COPG1: variants seen among roughly 807,000 people sequenced by gnomAD.
COPG1 encodes the protein coat protein complex I subunit gamma 1.
Under a neutral mutation model 102.8 loss-of-function variants are expected in COPG1, and 29 were observed. That is an observed-to-expected ratio of 0.28 (90% CI 0.21 to 0.38). The LOEUF is 0.38. COPG1 is among the 10% of genes least tolerant of loss of function. COPG1 has a pLI of 1.00. For synonymous variants in COPG1, 406 were observed against 421.6 expected (o/e 0.96, Z 0.45); for missense variants, 875 against 1,132.7 (o/e 0.77, Z 3.27).
chr3:129,275,153 C>T lies in COPG1; in HGVS notation c.2396-41C>T. The T allele has an allele frequency of 6.3e-7, 1 of 1,575,730 alleles. No individual in the cohort carries two copies. The highest frequency in any genetic ancestry group is 1.7e-4 in the Middle Eastern group (1 of 5,974). Reference sequence around the variant, plus strand: ...GGGGGAGTGGTGGTGGCACAAAGGGCAGATAAGATGGCTTAACAATATTGG... The same window carrying T: ...GGGGGAGTGGTGGTGGCACAAAGGGTAGATAAGATGGCTTAACAATATTGG... On this transcript the variant is annotated intron_variant, in intron 22 of 23. Coordinates refer to ENST00000314797, the MANE Select transcript of COPG1 (RefSeq NM_016128.4). This position sits in a 1 kb window ranked among gnomAD's most constrained non-coding sequence, Gnocchi z 5.0.
chr3:129,260,090 G>A, intron 10 of COPG1: 1 of 559,684 alleles, frequency 1.8e-6, no homozygotes, highest in Non-Finnish European at 3.2e-6. Flanking sequence ...ACAGCACCTG[G>A]CACACAGCAG....
intron 18 of COPG1, among the ~76,000 whole-genome samples, chr3:129,270,492 C>A (rs532096414): frequency 9.9e-5 from 15 of 152,224 alleles, no homozygotes; most frequent in African/African-American, 3.4e-4. Context: ...AAGTATCAGG[C>A]CCAAAACTCT....
chr3:129,261,883 C>T (rs1465961700), intron 12 of COPG1, among the ~76,000 whole-genome samples: 4 of 152,242 alleles, frequency 2.6e-5, no homozygotes, highest in Non-Finnish European at 5.9e-5. Flanking sequence ...TATTCCCTAA[C>T]CCCTGGCAGC....
chr3:129,275,187 A>T lies in COPG1; in HGVS notation c.2396-7A>T. 2.5e-6 allele frequency: 4 copies of T among 1,612,426 alleles called. No homozygotes were observed. In the South Asian group the frequency reaches 4.4e-5, roughly 18 times the overall value. ...TGGCTTAACAATATTGGGATTTCTC[A>T]TTACAGAGGCTGTGGGTAATATTGT... On this transcript the variant is annotated splice_region_variant and splice_polypyrimidine_tract_variant and intron_variant, in intron 22 of 23. Coordinates refer to ENST00000314797, the MANE Select transcript of COPG1 (RefSeq NM_016128.4). The surrounding 1 kb of genome is among the most constrained non-coding windows in gnomAD (Gnocchi z 5.0).
chr3:129,249,647 C>G lies in COPG1; in HGVS notation c.-63C>G, dbSNP rs1160276347. 2.6e-6 allele frequency: 4 copies of G among 1,541,898 alleles called. No individual in the cohort carries two copies. Among genetic ancestry groups the G allele is most frequent in the Admixed American group, 2.0e-5 (1 of 50,846 alleles). On this transcript the variant is annotated 5_prime_UTR_variant, in exon 1 of 24. Transcript: ENST00000314797. Reference sequence around the variant, plus strand: ...TGGTCCCTGTAGAACCACTGTGGCACCGCTACTCCGTGCCGCGCCCGTCGA... The same window carrying G: ...TGGTCCCTGTAGAACCACTGTGGCAGCGCTACTCCGTGCCGCGCCCGTCGA...
In COPG1 at chr3:129,263,963, C is replaced by A; in HGVS notation, c.1188C>A (p.Val396=). 1 of 1,614,176 alleles carries A rather than the reference C, an allele frequency of 6.2e-7. No homozygotes were observed. The highest frequency in any genetic ancestry group is 8.5e-7 in the Non-Finnish European group (1 of 1,180,040). ...LCQKYPRKHA[V]LMNFLFTMLR... Reference sequence around the variant, plus strand: ...AGAAATATCCTCGCAAACACGCCGTCCTTATGAACTTCCTGTTCACCATGC... The same window carrying A: ...AGAAATATCCTCGCAAACACGCCGTACTTATGAACTTCCTGTTCACCATGC... Residue 396 remains valine (V), a synonymous_variant, in exon 13 of 24, where the codon GTC becomes GTA. Coordinates refer to ENST00000314797, the MANE Select transcript of COPG1 (RefSeq NM_016128.4).
At chr3:129,265,214 C>T (rs1269936772) in intron 13 of COPG1, among the ~76,000 whole-genome samples, 3 of 152,110 alleles carry the variant, frequency 2.0e-5, no homozygotes, top group African/African-American at 7.2e-5. Flanking sequence ...ACCTCAGACC[C>T]CCAAGCAGCT....
Position 129,272,809 on chromosome 3 carries a change from G to A in COPG1, c.2161G>A (p.Ala721Thr). 5 of 1,609,836 alleles carry A rather than the reference G, an allele frequency of 3.1e-6. No homozygotes were observed. The highest frequency in any genetic ancestry group is 3.4e-6 in the Non-Finnish European group (4 of 1,176,544). ...TACCCAGCCTCTCTTCCCCACAGTG[G>A]CCTGCACATTCAGCTGCATGATGAA... is the stretch of plus-strand genomic sequence containing the variant. ...ALPKEDPTAV[A>T]CTFSCMMKFT... The change falls in exon 21 of 24, where the codon GCC (alanine) becomes ACC (threonine). Residue 721 changes from alanine to threonine, a missense_variant and splice_region_variant. By Grantham distance (58) the Ala-to-Thr change is moderately conservative (BLOSUM62 0). Transcript: ENST00000314797.
At chr3:129,269,826 T>C (rs1940151578) in intron 18 of COPG1, among the ~76,000 whole-genome samples, 1 of 151,918 alleles carries the variant, frequency 6.6e-6, no homozygotes, top group African/African-American at 2.4e-5. Context: ...CTTAGTGGCT[T>C]AACACATTTA....
chr3:129,252,303 C>A lies in COPG1; in HGVS notation c.113C>A (p.Pro38His), dbSNP rs775353146. The change falls in exon 3 of 24, where the codon CCC becomes CAC. Residue 38 changes from proline (P) to histidine (H), a missense_variant. By Grantham distance (77) the Pro-to-His change is moderately conservative. Transcript: ENST00000314797. ...TAGGCCCGTGTATTTAATGAAACTC[C>A]CATCAACCCTCGGAAATGTGCCCAC... ...LQEARVFNET[P>H]INPRKCAHIL... is the part of the protein sequence containing the mutation. 1.7e-5 allele frequency: 28 copies of A among 1,612,034 alleles called. 1 individual carries two copies. The highest frequency in any genetic ancestry group is 5.9e-6 in the Non-Finnish European group (7 of 1,178,312).
At chr3:129,272,780 T>C in intron 20 of COPG1, 27 bp from the exon 21 acceptor site, 1 of 1,527,382 alleles carries the variant, frequency 6.5e-7, no homozygotes, top group Non-Finnish European at 9.1e-7. Flanking sequence ...GGGGACATCC[T>C]AACTACCCAG....
chr3:129,258,583 G>A (rs371600170), intron 10 of COPG1, among the ~76,000 whole-genome samples: 53 of 152,210 alleles, frequency 3.5e-4, no homozygotes, highest in African/African-American at 1.2e-3. Context: ...TGAGCCTCCC[G>A]AGTAGCTGGG....
In COPG1 at chr3:129,255,023, A is replaced by G; in HGVS notation, c.438A>G (p.Gln146=). 6.2e-7 allele frequency: 1 copy of G among 1,614,130 alleles called. No individual in the cohort carries two copies. The highest frequency in any genetic ancestry group is 8.5e-7 in the Non-Finnish European group (1 of 1,180,018). Residue 146 remains glutamine, a synonymous_variant, in exon 7 of 24, where the codon CAA becomes CAG. Coordinates refer to ENST00000314797, the MANE Select transcript of COPG1 (RefSeq NM_016128.4). ...MLQAIERYMK[Q]AIVDKVPSVS... ...AGGCTATTGAGCGCTACATGAAACAAGCCATTGTGGACAAGGTGCCCAGTG... is the reference window on the plus strand; with the variant it reads ...AGGCTATTGAGCGCTACATGAAACAGGCCATTGTGGACAAGGTGCCCAGTG...
chr3:129,250,138 T>C (rs1939663893), intron 1 of COPG1, among the ~76,000 whole-genome samples: 1 of 152,216 alleles, frequency 6.6e-6, no homozygotes, highest in African/African-American at 2.4e-5. Flanking sequence ...GACTGGGAAC[T>C]CTGACCCCAT....
chr3:129,260,238 C>T (rs1183713376), intron 10 of COPG1, 95 bp from the exon 11 acceptor site: 6 of 1,134,496 alleles, frequency 5.3e-6, no homozygotes, highest in Non-Finnish European at 6.5e-6. Flanking sequence ...GGGAAATGAG[C>T]TGAGCAGAGG....
chr3:129,251,193 G>A (rs1246075368), intron 2 of COPG1, among the ~76,000 whole-genome samples: 2 of 151,148 alleles, frequency 1.3e-5, no homozygotes, highest in Admixed American at 6.6e-5. Flanking sequence ...AAAGTGCTGG[G>A]ATTACAGGCT....
intron 2 of COPG1, chr3:129,251,033 C>T: frequency 3.4e-6 from 1 of 295,586 alleles, no homozygotes; most frequent in South Asian, 3.2e-5. Context: ...ACGCCATTCT[C>T]CTGCCTCAGC....
At chr3:129,258,496 C>T (rs769192157) in intron 10 of COPG1, among the ~76,000 whole-genome samples, 3 of 152,198 alleles carry the variant, frequency 2.0e-5, no homozygotes, top group South Asian at 4.1e-4. Flanking sequence ...CTCACTATGT[C>T]GCCCAGGCTG....
In COPG1 at chr3:129,250,677, C is replaced by G; in HGVS notation, c.38-5C>G. On this transcript the variant is annotated splice_polypyrimidine_tract_variant and splice_region_variant and intron_variant, in intron 1 of 23. Coordinates refer to ENST00000314797, the MANE Select transcript of COPG1 (RefSeq NM_016128.4). The stretch of plus-strand genomic sequence containing the variant: ...ACCTACCTTCTCCATTGTCCTTGAC[C>G]GTAGGTGGAGGCTCCAACCCATTCC... 6.2e-7 allele frequency: 1 copy of G among 1,613,542 alleles called. No homozygotes were observed. Among genetic ancestry groups the G allele is most frequent in the South Asian group, 1.1e-5 (1 of 91,072 alleles).
Sources: allele counts gnomAD v4.1 joint callset (sites outside exome capture counted in the v4.1 genomes callset), GRCh38; gene constraint gnomAD v4.1.1; non-coding constraint Gnocchi (gnomAD v3.1); transcripts MANE v1.5; gene names NCBI Gene and HGNC (gene_info 2026-07-23, HGNC 2026-07-21).